INTS9: variants seen among roughly 807,000 people sequenced by gnomAD.
INTS9 encodes integrator complex subunit 9.
INTS9 carries 55 observed loss-of-function variants against 79.7 expected under a neutral mutation model. The observed-to-expected ratio is 0.69, with a 90% CI of 0.56 to 0.86. The LOEUF is 0.86. Ranked by LOEUF, INTS9 falls within the 40% of genes least tolerant of loss-of-function variation. The pLI is 0.00. For missense variants in INTS9, 721 were observed against 831.5 expected (o/e 0.87, Z 1.64); for synonymous variants, 319 against 325.2 (o/e 0.98, Z 0.20).
chr8:28,835,474 T>C, intron 5 of INTS9, 96 bp from the exon 6 acceptor site: 4 of 561,268 alleles, frequency 7.1e-6, no homozygotes, highest in Non-Finnish European at 6.1e-6. Flanking sequence ...CTTGCCCACC[T>C]CCCCCTACAC....
chr8:28,794,163 C>G (rs1262041978), intron 9 of INTS9, among the ~76,000 whole-genome samples, 176 bp from the exon 10 acceptor site: 1 of 152,154 alleles, frequency 6.6e-6, no homozygotes, highest in Non-Finnish European at 1.5e-5. Context: ...ATGCTATAGG[C>G]TGATAATGAT....
At chr8:28,841,060 AAAACGAGTAACTTAATAAAGCTGCCAGGC>A (rs1485728580) in intron 4 of INTS9, among the ~76,000 whole-genome samples, 2 of 152,170 alleles carry the variant, frequency 1.3e-5, no homozygotes, top group Non-Finnish European at 2.9e-5. Context: ...CTTTACAAAT[AAAACGAGTAACTTAATAAAGCTGCCAGGC>A]AGCATCGGCC....
chr8:28,857,598 TTTAA>T (rs1285966639), intron 2 of INTS9, among the ~76,000 whole-genome samples: 2 of 152,204 alleles, frequency 1.3e-5, no homozygotes, highest in South Asian at 2.1e-4. Context: ...GATATAATAA[TTTAA>T]TTAATTAGTT....
intron 3 of INTS9, among the ~76,000 whole-genome samples, chr8:28,848,798 A>G (rs1489467698): frequency 2.0e-5 from 3 of 152,102 alleles, no homozygotes; most frequent in African/African-American, 7.2e-5. Context: ...AAACACTTAC[A>G]ATGTCACTGT....
chr8:28,881,016 C>T (rs1480191760), intron 1 of INTS9, among the ~76,000 whole-genome samples: 4 of 151,260 alleles, frequency 2.6e-5, no homozygotes, highest in East Asian at 2.0e-4. Context: ...AACCCTCTGC[C>T]TGGCAACCGC....
At chr8:28,784,029 C>T (rs946739845) in intron 11 of INTS9, 4 of 152,192 alleles carry the variant, frequency 2.6e-5, no homozygotes, top group African/African-American at 9.7e-5. Flanking sequence ...CCTTTCTAGC[C>T]AACTTACTGC....
intron 11 of INTS9, among the ~76,000 whole-genome samples, chr8:28,785,391 A>G (rs1363393766): frequency 6.6e-6 from 1 of 152,202 alleles, no homozygotes; most frequent in African/African-American, 2.4e-5. Context: ...TTCTAATTCT[A>G]AGGTTCTTTC....
intron 6 of INTS9, among the ~76,000 whole-genome samples, chr8:28,817,838 T>C (rs887169745): frequency 2.3e-4 from 34 of 151,030 alleles, no homozygotes; most frequent in African/African-American, 7.3e-4. Flanking sequence ...CATTGAGCAG[T>C]TGTTTGTAGT....
chr8:28,886,631 T>C (rs1312912407), intron 1 of INTS9, among the ~76,000 whole-genome samples: 1 of 152,170 alleles, frequency 6.6e-6, no homozygotes, highest in East Asian at 1.9e-4. Context: ...CACTCTACCT[T>C]CTTTTTTTTT....
chr8:28,889,442 T>C (rs1031715518), intron 1 of INTS9, among the ~76,000 whole-genome samples: 7 of 152,244 alleles, frequency 4.6e-5, no homozygotes, highest in African/African-American at 1.7e-4. Flanking sequence ...TACGTTCTGC[T>C]GGATGTTTTT....
intron 6 of INTS9, among the ~76,000 whole-genome samples, chr8:28,824,448 A>C (rs1381137741): frequency 6.6e-6 from 1 of 152,170 alleles, no homozygotes; most frequent in African/African-American, 2.4e-5. Flanking sequence ...CCTGCACCCC[A>C]CCTACCTAAG....
At chr8:28,860,553 T>C (rs905915050) in intron 1 of INTS9, among the ~76,000 whole-genome samples, 1 of 151,856 alleles carries the variant, frequency 6.6e-6, no homozygotes, top group Non-Finnish European at 1.5e-5. Context: ...CTCAGCTCAC[T>C]GCAACCTCCG....
chr8:28,789,481 C>G (rs1803801425), intron 10 of INTS9, among the ~76,000 whole-genome samples: 1 of 137,110 alleles, frequency 7.3e-6, no homozygotes, highest in African/African-American at 2.5e-5. Flanking sequence ...ACCAGATTAT[C>G]AGGAAGAATG....
intron 11 of INTS9, among the ~76,000 whole-genome samples, chr8:28,782,694 T>C (rs1803353057): frequency 6.6e-6 from 1 of 152,196 alleles, no homozygotes; most frequent in Non-Finnish European, 1.5e-5. Flanking sequence ...GACAAGAGGA[T>C]TGCTTGAGCC....
chr8:28,876,075 G>C (rs555835754), intron 1 of INTS9, among the ~76,000 whole-genome samples: 2 of 152,038 alleles, frequency 1.3e-5, no homozygotes, highest in African/African-American at 2.4e-5. Context: ...TTTTTTTTGG[G>C]GGGTGTGTGT....
intron 4 of INTS9, among the ~76,000 whole-genome samples, chr8:28,842,623 C>T (rs1807256827): frequency 6.6e-6 from 1 of 152,086 alleles, no homozygotes; most frequent in African/African-American, 2.4e-5. Context: ...TAATAGGCTC[C>T]TGAATTTCTC....
At chr8:28,776,427 G>GTTTTTTTTT (rs72163162) in intron 13 of INTS9, among the ~76,000 whole-genome samples, 1 of 85,378 alleles carries the variant, frequency 1.2e-5, no homozygotes, top group Admixed American at 1.2e-4. Flanking sequence ...CAGAGGCAGA[G>GTTTTTTTTT]TTTTTTTTTT....
At position 28,813,613 on chromosome 8, in the gene INTS9, C is replaced by T. The variant is rs1410920353; in HGVS notation, c.489-1G>A. ...ATCCTTGAGAGGAGAAGGTAACAGC[C>T]TGCAAATGGATCACAATGTCAACTA... On this transcript the variant is annotated splice_acceptor_variant, in intron 6 of 16. Transcript: ENST00000521022. LOFTEE classifies it high-confidence loss of function. 3 of 1,613,148 alleles carry T rather than the reference C, an allele frequency of 1.9e-6. No homozygotes were observed. Among genetic ancestry groups the T allele is most frequent in the South Asian group, 2.2e-5 (2 of 90,802 alleles).
At chr8:28,813,651 T>A (rs1230579913) in intron 6 of INTS9, 39 bp from the exon 7 acceptor site, 1 of 1,607,114 alleles carries the variant, frequency 6.2e-7, no homozygotes, top group South Asian at 1.1e-5. Flanking sequence ...AGGTGAACAT[T>A]TCTTCATGTT....
Sources: allele counts gnomAD v4.1 joint callset (sites outside exome capture counted in the v4.1 genomes callset), GRCh38; gene constraint gnomAD v4.1.1; transcripts MANE v1.5; gene names NCBI Gene and HGNC (gene_info 2026-07-23, HGNC 2026-07-21).